Variants in VEZT observed in about 807,000 individuals in gnomAD.
VEZT encodes vezatin.
A neutral mutation model predicts 79.9 loss-of-function variants in VEZT; 39 were observed. The ratio of observed to expected loss-of-function variants is 0.49; its 90% confidence interval spans 0.38 to 0.64. VEZT has a LOEUF of 0.64. VEZT is among the 30% of genes least tolerant of loss of function. The pLI, the probability that VEZT is intolerant of heterozygous loss-of-function variation, is 0.00. For missense variants in VEZT, 837 were observed against 893.1 expected, an observed-to-expected ratio of 0.94 and a Z score of 0.80; for synonymous variants, 325 against 327.6, an observed-to-expected ratio of 0.99 and a Z score of 0.09.
Position 95,301,841 on chromosome 12 carries a change from T to A in VEZT, c.*1168T>A, listed in dbSNP as rs879650887. ...AACACATTCAAATTCCTGTAACTTATCACTTTCAGTGAGTAAATTTACTTA... is the reference window on the plus strand; with the variant it reads ...AACACATTCAAATTCCTGTAACTTAACACTTTCAGTGAGTAAATTTACTTA... On this transcript the variant is annotated 3_prime_UTR_variant, in exon 12 of 12. Coordinates refer to ENST00000436874, the MANE Select transcript of VEZT (RefSeq NM_017599.4). 7 of 152,214 alleles carry A rather than the reference T, an allele frequency of 4.6e-5. No homozygotes were observed. The highest frequency in any genetic ancestry group is 1.4e-4 in the African/African-American group (6 of 41,460). The allele number at this position is 152,214 out of a possible 1,614,324, so 9.4% of individuals were successfully genotyped here.
chr12:95,237,368 G>T (rs190740059), intron 1 of VEZT, among the ~76,000 whole-genome samples: 1 of 152,086 alleles, frequency 6.6e-6, no homozygotes, highest in Non-Finnish European at 1.5e-5. Context: ...TAAATGTTTA[G>T]TACTGCTGTT....
chr12:95,220,432 G>C (rs1444845047), intron 1 of VEZT, among the ~76,000 whole-genome samples: 3 of 152,050 alleles, frequency 2.0e-5, no homozygotes, highest in African/African-American at 7.2e-5. Context: ...CTCCAGCCTG[G>C]ATGACAGAGC....
chr12:95,248,441 A>T (rs1035901915), intron 1 of VEZT, among the ~76,000 whole-genome samples: 1 of 152,240 alleles, frequency 6.6e-6, no homozygotes. Flanking sequence ...TGAAGAAAAA[A>T]GTATTCTTGT....
chr12:95,245,270 TC>T (rs1318268536), intron 1 of VEZT, among the ~76,000 whole-genome samples: 2 of 152,080 alleles, frequency 1.3e-5, no homozygotes, highest in Non-Finnish European at 2.9e-5. Context: ...TTATCTTGTT[TC>T]TCAGAGTGTC....
chr12:95,258,605 T>G (rs142558002), intron 3 of VEZT, among the ~76,000 whole-genome samples: 76 of 152,348 alleles, frequency 5.0e-4, no homozygotes, highest in African/African-American at 1.7e-3. Context: ...CCCTCATTTC[T>G]TTTGTAAGAA....
chr12:95,275,009 A>G, intron 7 of VEZT, 120 bp downstream of exon 7: 1 of 1,195,186 alleles, frequency 8.4e-7, no homozygotes, highest in Non-Finnish European at 1.1e-6. Flanking sequence ...TACCATCATC[A>G]TAAATGCACG....
Position 95,296,062 on chromosome 12 carries a change from T to C in VEZT, c.1635T>C (p.Ala545=). The part of the protein sequence containing the change: ...DPIPEEQELE[A]YVDDIDIDSD... ...CTATTCATTTTCAGGAATTAGAAGC[T>C]TATGTAGATGATATAGATATTGATA... The change falls in exon 11 of 12, where the codon GCT becomes GCC. Residue 545 remains alanine (A), a synonymous_variant. Coordinates refer to ENST00000436874, the MANE Select transcript of VEZT (RefSeq NM_017599.4). 1 of 1,547,460 alleles carries C rather than the reference T, an allele frequency of 6.5e-7. No homozygotes were observed. The highest frequency in any genetic ancestry group is 8.7e-7 in the Non-Finnish European group (1 of 1,145,334).
chr12:95,285,355 G>C (rs2070455637), intron 8 of VEZT, among the ~76,000 whole-genome samples: 1 of 150,482 alleles, frequency 6.6e-6, no homozygotes, highest in South Asian at 2.1e-4. Flanking sequence ...GAGGTGGGAG[G>C]ATCACCTGAC....
At chr12:95,227,334 CTTT>C (rs62891361) in intron 1 of VEZT, among the ~76,000 whole-genome samples, 134 of 126,072 alleles carry the variant, frequency 1.1e-3, no homozygotes, top group African/African-American at 1.8e-3. Context: ...CTAATTTTTT[CTTT>C]TTTTTTTTTT....
At chr12:95,218,876 T>A (rs1450394892) in intron 1 of VEZT, among the ~76,000 whole-genome samples, 1 of 152,048 alleles carries the variant, frequency 6.6e-6, no homozygotes, top group Admixed American at 6.5e-5. Flanking sequence ...CAGGAGAAAA[T>A]GTATTACAGG....
In VEZT at chr12:95,223,497, C is replaced by A. The variant is rs182729286; in HGVS notation, c.36+5611C>A. Among the ~76,000 whole-genome samples the A allele has an allele frequency of 2.0e-4, 30 of 152,294 alleles. No homozygotes were observed. The East Asian group carries it at 5.4e-3, about 27-fold the overall frequency. The stretch of plus-strand genomic sequence containing the variant: ...CACTCTGTTAGCCTTGTCGCCCAGG[C>A]TGGAGTGCAATGGCAGGATCTTGGC... On this transcript the variant is annotated intron_variant, in intron 1 of 11. Coordinates refer to ENST00000436874, the MANE Select transcript of VEZT (RefSeq NM_017599.4).
At chr12:95,264,648 G>T (rs890560069) in intron 4 of VEZT, among the ~76,000 whole-genome samples, 19 of 151,804 alleles carry the variant, frequency 1.3e-4, no homozygotes, top group Non-Finnish European at 2.6e-4. Context: ...TGTTGCCCAG[G>T]CTGGTCTTGA....
At chr12:95,278,416 A>G (rs1385727328) in intron 7 of VEZT, among the ~76,000 whole-genome samples, 3 of 152,200 alleles carry the variant, frequency 2.0e-5, no homozygotes, top group Non-Finnish European at 4.4e-5. Context: ...ATTGTGTTAC[A>G]GTTACCACAT....
rs2138199617 is a variant in VEZT, at chr12:95,258,888, A to C, written c.258+1649A>C. ...CTTCATCCCTAAGGAAAAAGAAATC[A>C]AAATCTCTTAATTTTTTATCTGTGC... On this transcript the variant is annotated intron_variant, in intron 3 of 11. Coordinates refer to ENST00000436874, the MANE Select transcript of VEZT (RefSeq NM_017599.4). Among the ~76,000 whole-genome samples, 4 of 152,332 alleles carry C rather than the reference A, an allele frequency of 2.6e-5. 1 individual carries two copies. The Middle Eastern group carries it at 0.014, about 518-fold the overall frequency.
At chr12:95,256,819 C>G (rs2063550555) in intron 2 of VEZT, among the ~76,000 whole-genome samples, 2 of 152,086 alleles carry the variant, frequency 1.3e-5, no homozygotes, top group African/African-American at 4.8e-5. Context: ...ACATAGTCTC[C>G]CCAGGATAAA....
chr12:95,234,802 C>G (rs924617330), intron 1 of VEZT, among the ~76,000 whole-genome samples: 1 of 152,194 alleles, frequency 6.6e-6, no homozygotes, highest in Admixed American at 6.5e-5. Context: ...GAGGACCCTG[C>G]GGCCTTCCGC....
At chr12:95,283,295 G>A (rs1425214778) in intron 8 of VEZT, among the ~76,000 whole-genome samples, 3 of 152,116 alleles carry the variant, frequency 2.0e-5, no homozygotes, top group Non-Finnish European at 1.5e-5. Context: ...GTACATGGAA[G>A]TTTTCAAGTT....
At position 95,282,496 on chromosome 12, in the gene VEZT, C is replaced by T. The variant is rs751805557; in HGVS notation, c.1180C>T (p.Arg394Cys). The stretch of plus-strand genomic sequence containing the variant: ...TTCTGCCTGTTTGGAAGAGCTTAAG[C>T]GCAGCTATGAGTTCTATCGGTACTT... ...AHSACLEELK[R>C]SYEFYRYFET... Residue 394 changes from arginine to cysteine, a missense_variant, in exon 8 of 12, where the codon CGC becomes TGC. Coordinates refer to ENST00000436874, the MANE Select transcript of VEZT (RefSeq NM_017599.4). 2.9e-5 allele frequency: 47 copies of T among 1,613,938 alleles called. No homozygotes were observed. Among genetic ancestry groups the T allele is most frequent in the Admixed American group, 2.0e-4 (12 of 60,016 alleles).
At chr12:95,250,593 G>A (rs921882805) in intron 1 of VEZT, among the ~76,000 whole-genome samples, 3 of 151,976 alleles carry the variant, frequency 2.0e-5, no homozygotes, top group Admixed American at 6.5e-5. Flanking sequence ...GTGAGCCACC[G>A]CCCCCAGCCA....
Sources: gnomAD v4.1 joint callset for allele counts (sites outside exome capture counted in the v4.1 genomes callset) on GRCh38, gnomAD v4.1.1 for gene constraint, MANE v1.5 for transcripts, NCBI Gene and HGNC (gene_info 2026-07-23, HGNC 2026-07-21) for gene names.